The following ALOX12B variants were observed in gnomAD, a reference collection of about 807,000 sequenced individuals.
ALOX12B encodes arachidonate 12-lipoxygenase, 12R type.
ALOX12B carries 47 observed loss-of-function variants against 78.9 expected under a neutral mutation model. That is an observed-to-expected ratio of 0.60 (90% CI 0.47 to 0.76). The LOEUF (loss-of-function observed/expected upper bound fraction) is 0.76, where lower values mean the gene tolerates loss of function less well. Ranked by LOEUF, ALOX12B falls within the 30% of genes least tolerant of loss-of-function variation. The pLI, the probability that ALOX12B is intolerant of heterozygous loss-of-function variation, is 0.00. For missense variants in ALOX12B, 805 were observed against 922.6 expected (o/e 0.87, Z 1.65); for synonymous variants, 370 against 374.5 (o/e 0.99, Z 0.14).
intron 10 of ALOX12B, 26 bp downstream of exon 10, chr17:8,076,631 G>T (rs757391567): frequency 7.1e-6 from 11 of 1,544,326 alleles, no homozygotes; most frequent in Non-Finnish European, 7.0e-6. Flanking sequence ...CAAATGTCTC[G>T]TTGGGGTTGG....
Position 8,086,351 on chromosome 17 carries a change from C to G in ALOX12B, c.148-131G>C, listed in dbSNP as rs1286485920. 6 of 920,010 alleles carry G rather than the reference C, an allele frequency of 6.5e-6. No individual in the cohort carries two copies. In the African/African-American group the frequency reaches 9.9e-5, roughly 15 times the overall value. 57.0% of individuals were successfully genotyped at this position (920,010 alleles called of 1,614,324 possible). A position where few individuals can be genotyped will look rare whatever the true frequency, so the allele number is the denominator to read the frequency against. On this transcript the variant is annotated intron_variant, in intron 1 of 14. Transcript: ENST00000647874. Reference sequence around the variant, plus strand: ...TCACCTCCCTGGACTGACGGAGGGACAGGATATTGACCTGATCATTGAGCT... The same window carrying G: ...TCACCTCCCTGGACTGACGGAGGGAGAGGATATTGACCTGATCATTGAGCT...
Position 8,086,127 on chromosome 17 carries a change from G to C in ALOX12B, c.241C>G (p.Pro81Ala), listed in dbSNP as rs1440909083. The C allele has an allele frequency of 1.2e-6, 2 of 1,614,172 alleles. No homozygotes were observed. Among genetic ancestry groups the C allele is most frequent in the Non-Finnish European group, 1.7e-6 (2 of 1,180,016 alleles). The change falls in exon 2 of 15, where the codon CCT (proline) becomes GCT (alanine). Residue 81 changes from proline (P) to alanine (A), a missense_variant. By Grantham distance (27) the Pro-to-Ala change is conservative (BLOSUM62 -1). Transcript: ENST00000647874. ...KERYAFFPKD[P>A]WYCNYVQICA... ...ATCTGCACATAGTTGCAGTACCAAGGGTCCTTGGGGAAGAAGGCGTACCGC... is the reference window on the plus strand; with the variant it reads ...ATCTGCACATAGTTGCAGTACCAAGCGTCCTTGGGGAAGAAGGCGTACCGC...
At position 8,075,614 on chromosome 17, in the gene ALOX12B, G is replaced by A. The variant is rs151044633; in HGVS notation, c.1635C>T (p.Leu545=). ...SWVQEIFKEC[L]LGRESSGFPR... is the part of the protein sequence containing the mutation. ...CCATACCTGAGCTCTCCCGCCCCAG[G>A]AGGCACTCTTTAAATATTTCCTGCA... is the stretch of plus-strand genomic sequence containing the variant. The change falls in exon 12 of 15, where the codon CTC becomes CTT. Residue 545 remains leucine (L), a synonymous_variant. Transcript: ENST00000647874. 5.0e-6 allele frequency: 8 copies of A among 1,614,038 alleles called. No individual in the cohort carries two copies. In the African/African-American group the frequency reaches 6.7e-5, roughly 13 times the overall value.
intron 2 of ALOX12B, among the ~76,000 whole-genome samples, chr17:8,083,398 T>A (rs8066922): frequency 6.6e-6 from 1 of 152,114 alleles, no homozygotes; most frequent in Admixed American, 6.5e-5. Context: ...TGCCCCGTAG[T>A]GGGCTGCTTC....
intron 12 of ALOX12B, 68 bp from the exon 13 acceptor site, chr17:8,073,825 G>T: frequency 1.6e-6 from 2 of 1,247,932 alleles, no homozygotes; most frequent in Non-Finnish European, 2.3e-6. Flanking sequence ...GGCAGAGGGC[G>T]CCACCATGCC....
In ALOX12B at chr17:8,086,155, TTTGTGCAGGCGGATGATGATGAG is replaced by T; in HGVS notation, c.190_212del (p.Leu64ArgfsTer53). 1 of 1,614,116 alleles carries T rather than the reference TTTGTGCAGGCGGATGATGATGAG, an allele frequency of 6.2e-7. No homozygotes were observed. The highest frequency in any genetic ancestry group is 8.5e-7 in the Non-Finnish European group (1 of 1,180,000). On this transcript the variant is annotated frameshift_variant, in exon 2 of 15. Coordinates refer to ENST00000647874, the MANE Select transcript of ALOX12B (RefSeq NM_001139.3). LOFTEE classifies it high-confidence loss of function. The stretch of plus-strand genomic sequence containing the variant: ...CCTTGGGGAAGAAGGCGTACCGCTC[TTTGTGCAGGCGGATGATGATGAG>T]CTCACCCAGGTCCTGAGGGCACTGC...
rs1377948203 is a variant in ALOX12B at position 8,072,834 on chromosome 17, C to T, written c.2043G>A (p.Lys681=). 39 of 1,614,102 alleles carry T rather than the reference C, an allele frequency of 2.4e-5. No homozygotes were observed. Among genetic ancestry groups the T allele is most frequent in the Non-Finnish European group, 3.2e-5 (38 of 1,180,050 alleles). The part of the protein sequence containing the change: ...QISHDIRQRN[K]CLPIPYYYLD... The stretch of plus-strand genomic sequence containing the variant: ...GGTAGTAGTAGGGGATGGGAAGGCA[C>T]TTGTTGCGCTGGCGGATGTCGTGTG... The change falls in exon 15 of 15, where the codon AAG becomes AAA. Residue 681 remains lysine, a synonymous_variant. Transcript: ENST00000647874.
Position 8,079,655 on chromosome 17 carries a change from C to CGCGGGGT in ALOX12B, c.927+107_927+113dup, listed in dbSNP as rs1977164236. 5.5e-5 allele frequency: 84 copies of CGCGGGGT among 1,532,946 alleles called. No homozygotes were observed. In the South Asian group the frequency reaches 9.7e-4, roughly 18 times the overall value. The allele number at this position is 1,532,946 out of a possible 1,614,324, so 95.0% of individuals were successfully genotyped here. On this transcript the variant is annotated intron_variant, in intron 7 of 14. Coordinates refer to ENST00000647874, the MANE Select transcript of ALOX12B (RefSeq NM_001139.3). The surrounding 1 kb of genome is among the most constrained non-coding windows in gnomAD (Gnocchi z 6.4). ...GGCAGGGGTGGGACGGGGACAGGGACGCGGGGTGCGGGCTTGCCTGGGACT... is the reference window on the plus strand; with the variant it reads ...GGCAGGGGTGGGACGGGGACAGGGACGCGGGGTGCGGGGTGCGGGCTTGCCTGGGACT...
chr17:8,075,080 T>G (rs1977053340), intron 12 of ALOX12B, among the ~76,000 whole-genome samples: 1 of 146,338 alleles, frequency 6.8e-6, no homozygotes, highest in Non-Finnish European at 1.5e-5. Context: ...CCCCAGACTG[T>G]GAACTCCTTG....
rs1194199565 is a variant in ALOX12B at position 8,076,219 on chromosome 17, A to G, written c.1488T>C (p.Tyr496=). ...VERGVQDLPG[Y]YYRDDSLAVW... is the part of the protein sequence containing the mutation. ...CCGCCAAGCTGTCATCGCGGTAGTA[A>G]TATCCAGGCAGGTCCTGGACCCCAC... The change falls in exon 11 of 15, where the codon TAT becomes TAC. Residue 496 remains tyrosine, a synonymous_variant. Coordinates refer to ENST00000647874, the MANE Select transcript of ALOX12B (RefSeq NM_001139.3). 5 of 1,613,994 alleles carry G rather than the reference A, an allele frequency of 3.1e-6. No individual in the cohort carries two copies. Among genetic ancestry groups the G allele is most frequent in the Non-Finnish European group, 4.2e-6 (5 of 1,180,022 alleles).
At chr17:8,082,617 G>A (rs8074986) in intron 2 of ALOX12B, among the ~76,000 whole-genome samples, 2,255 of 152,268 alleles carry the variant, frequency 0.015, 64 homozygotes, top group African/African-American at 0.051. Flanking sequence ...TTACGCCTGT[G>A]ACGCACTGCC....
At chr17:8,083,685 T>C (rs1338592833) in intron 2 of ALOX12B, among the ~76,000 whole-genome samples, 4 of 151,478 alleles carry the variant, frequency 2.6e-5, no homozygotes, top group East Asian at 2.0e-4. Context: ...GCTGAGATCA[T>C]GCCACTGCAC....
rs1029914907 is a variant in ALOX12B, at chr17:8,080,027, C to T, written c.755-86G>A. On this transcript the variant is annotated intron_variant, in intron 6 of 14. Transcript: ENST00000647874. The surrounding 1 kb of genome is among the most constrained non-coding windows in gnomAD (Gnocchi z 4.8). ...ATGGGACAGAAGAAGACTATGGGCA[C>T]CGAGAGGAGTCGGGGAGGAAAACGA... The T allele has an allele frequency of 3.9e-6, 6 of 1,554,106 alleles. No homozygotes were observed. The African/African-American group carries it at 6.8e-5, about 18-fold the overall frequency.
intron 12 of ALOX12B, among the ~76,000 whole-genome samples, chr17:8,074,858 C>T (rs1977049009): frequency 6.6e-6 from 1 of 152,224 alleles, no homozygotes; most frequent in African/African-American, 2.4e-5. Flanking sequence ...ACATACTGCT[C>T]CCATGCGGAA....
intron 8 of ALOX12B, among the ~76,000 whole-genome samples, chr17:8,077,746 C>T (rs1977118504): frequency 1.3e-5 from 2 of 152,208 alleles, no homozygotes; most frequent in African/African-American, 4.8e-5. Context: ...GAGGCTAAGT[C>T]TAATTATCTC....
In ALOX12B at chr17:8,080,416, A is replaced by G; in HGVS notation, c.651-78T>C. The G allele has an allele frequency of 6.6e-7, 1 of 1,523,302 alleles. No individual in the cohort carries two copies. Among genetic ancestry groups the G allele is most frequent in the Non-Finnish European group, 9.1e-7 (1 of 1,098,100 alleles). 94.4% of individuals were successfully genotyped at this position (1,523,302 alleles called of 1,614,324 possible). A position where few individuals can be genotyped will look rare whatever the true frequency, so the allele number is the denominator to read the frequency against. ...CTGGGGCAGGTGGCGGGGCCGCCCC[A>G]TCCACTTAGGTCTCTGGGTCTCAGG... On this transcript the variant is annotated intron_variant, in intron 5 of 14. Transcript: ENST00000647874. This position sits in a 1 kb window ranked among gnomAD's most constrained non-coding sequence, Gnocchi z 4.8.
At chr17:8,087,259 GACACACAC>G (rs3217514) in intron 1 of ALOX12B, 29 bp downstream of exon 1, 157 of 1,071,266 alleles carry the variant, frequency 1.5e-4, no homozygotes, top group African/African-American at 8.1e-4. Context: ...CACACACACA[GACACACAC>G]ACACACACAC....
chr17:8,087,530 G>C lies in ALOX12B; in HGVS notation c.-88C>G, dbSNP rs1978306573. On this transcript the variant is annotated 5_prime_UTR_variant, in exon 1 of 15. Coordinates refer to ENST00000647874, the MANE Select transcript of ALOX12B (RefSeq NM_001139.3). ...GGCCCAAGGCAGGCAAGAGAAGCCA[G>C]GCACAGAGTGGAGTGGACAGGGCTG... 6.3e-7 allele frequency: 1 copy of C among 1,599,522 alleles called. No homozygotes were observed. Among genetic ancestry groups the C allele is most frequent in the East Asian group, 2.2e-5 (1 of 44,846 alleles).
rs1302463449 is a variant in ALOX12B, at chr17:8,087,348, T to C, written c.95A>G (p.Glu32Gly). 1.2e-6 allele frequency: 2 copies of C among 1,614,186 alleles called. No individual in the cohort carries two copies. Among genetic ancestry groups the C allele is most frequent in the South Asian group, 2.2e-5 (2 of 91,074 alleles). Residue 32 changes from glutamate to glycine, a missense_variant, in exon 1 of 15, where the codon GAG (glutamate) becomes GGG (glycine). Transcript: ENST00000647874. ...ISLTIVGTQG[E>G]SHKQLLNHFG... Reference sequence around the variant, plus strand: ...GTGGTTCAGCAGCTGCTTATGGCTCTCTCCTTGTGTCCCCACAATGGTCAG... The same window carrying C: ...GTGGTTCAGCAGCTGCTTATGGCTCCCTCCTTGTGTCCCCACAATGGTCAG...
Sources: gnomAD v4.1 joint callset for allele counts (sites outside exome capture counted in the v4.1 genomes callset) on GRCh38, gnomAD v4.1.1 for gene constraint, Gnocchi (gnomAD v3.1) non-coding constraint, MANE v1.5 for transcripts, NCBI Gene and HGNC (gene_info 2026-07-23, HGNC 2026-07-21) for gene names.